The following PALM2AKAP2 variants were observed in gnomAD, a reference collection of about 807,000 sequenced individuals.
The protein encoded by PALM2AKAP2 is PALM2-AKAP2 fusion protein.
In PALM2AKAP2, 37 loss-of-function variants were observed where a neutral mutation model predicts 71.5. That is an observed-to-expected ratio of 0.52 (90% CI 0.40 to 0.68). The LOEUF is 0.68. Ranked by LOEUF, PALM2AKAP2 falls within the 30% of genes least tolerant of loss-of-function variation. PALM2AKAP2 has a pLI of 0.00. For synonymous variants in PALM2AKAP2, 468 were observed against 478.8 expected (o/e 0.98, Z 0.29); for missense variants, 1,224 against 1,191.8 (o/e 1.03, Z -0.40).
intron 1 of PALM2AKAP2, among the ~76,000 whole-genome samples, chr9:110,128,279 G>A (rs2119045750): frequency 6.6e-6 from 1 of 152,302 alleles, no homozygotes; most frequent in South Asian, 2.1e-4. Flanking sequence ...AATTTAGGAA[G>A]AACCTCTCTA....
Position 110,125,981 on chromosome 9 carries a change from C to T in PALM2AKAP2, c.157-10146C>T, listed in dbSNP as rs117855888. ...AAGTGACTCGGTGATTCTGTCGCCTCGTTTCTTAGCCATCTAGCATTTGTT... is the reference window on the plus strand; with the variant it reads ...AAGTGACTCGGTGATTCTGTCGCCTTGTTTCTTAGCCATCTAGCATTTGTT... On this transcript the variant is annotated intron_variant, in intron 1 of 3. Coordinates refer to ENST00000374525, the Ensembl canonical transcript of PALM2AKAP2. 7.2e-4 allele frequency among the ~76,000 whole-genome samples: 110 copies of T among 152,158 alleles called. No homozygotes were observed. In the East Asian group the frequency reaches 0.018, roughly 25 times the overall value.
chr9:110,017,599 A>G (rs199609132), intron 7 of PALM2AKAP2, among the ~76,000 whole-genome samples: 1 of 152,208 alleles, frequency 6.6e-6, no homozygotes, highest in Non-Finnish European at 1.5e-5. Flanking sequence ...CTGGAGAATT[A>G]GTTTTTGAGA....
At chr9:109,994,610 G>A (rs1832541516) in intron 6 of PALM2AKAP2, among the ~76,000 whole-genome samples, 1 of 151,984 alleles carries the variant, frequency 6.6e-6, no homozygotes, top group Non-Finnish European at 1.5e-5. Flanking sequence ...CAAGAGCATT[G>A]AGCGTCCAGT....
chr9:109,917,996 C>G (rs3849114), intron 3 of PALM2AKAP2, among the ~76,000 whole-genome samples: 8,907 of 152,274 alleles, frequency 0.058, 376 homozygotes, highest in Admixed American at 0.12. Flanking sequence ...ATTGAGAAGA[C>G]CACTCAGCGT....
At chr9:109,707,650 CT>C (rs1828164663) in intron 1 of PALM2AKAP2, among the ~76,000 whole-genome samples, 1 of 152,192 alleles carries the variant, frequency 6.6e-6, no homozygotes, top group Non-Finnish European at 1.5e-5. Flanking sequence ...AAGCCTGTTT[CT>C]TTAACTTTCC....
intron 2 of PALM2AKAP2, among the ~76,000 whole-genome samples, chr9:109,869,194 A>C (rs1829537582): frequency 6.6e-6 from 1 of 152,154 alleles, no homozygotes; most frequent in Non-Finnish European, 1.5e-5. Flanking sequence ...CATATGTCAA[A>C]ACATCAAGGG....
At chr9:110,149,994 C>G (rs1027163331) in intron 2 of PALM2AKAP2, among the ~76,000 whole-genome samples, 1 of 152,160 alleles carries the variant, frequency 6.6e-6, no homozygotes, top group Admixed American at 6.5e-5. Flanking sequence ...CCCGCAAATT[C>G]GTATACTGAA....
At chr9:109,799,011 C>G (rs534533610) in intron 1 of PALM2AKAP2, among the ~76,000 whole-genome samples, 1 of 152,304 alleles carries the variant, frequency 6.6e-6, no homozygotes, top group East Asian at 1.9e-4. Flanking sequence ...ACCCGAGTCT[C>G]AAAGACTCAC....
At chr9:109,943,366 A>G in intron 6 of PALM2AKAP2, 1 of 1,614,172 alleles carries the variant, frequency 6.2e-7, no homozygotes. Flanking sequence ...GAGCCTAGCT[A>G]CAGAGCCAGC....
Position 109,814,102 on chromosome 9 carries a change from G to A in PALM2AKAP2, c.45+33569G>A, listed in dbSNP as rs73655511. ...GACTCATTCTCCAGCTCCCACTACC[G>A]TTTGCAGTGAAGGTTTGTAATGCCC... On this transcript the variant is annotated intron_variant, in intron 1 of 9. Coordinates refer to the PALM2AKAP2 transcript ENST00000302798. 9.7e-3 allele frequency among the ~76,000 whole-genome samples: 1,481 copies of A among 152,250 alleles called. 30 individuals are homozygous for A. The highest frequency in any genetic ancestry group is 0.034 in the African/African-American group (1,403 of 41,544).
chr9:110,111,358 GC>G (rs1835247766), intron 1 of PALM2AKAP2, among the ~76,000 whole-genome samples: 1 of 152,096 alleles, frequency 6.6e-6, no homozygotes, highest in African/African-American at 2.4e-5. Context: ...CTCCCAAAGT[GC>G]TGGAAATATA....
chr9:109,696,213 C>T (rs1402610672), intron 1 of PALM2AKAP2, among the ~76,000 whole-genome samples: 1 of 151,994 alleles, frequency 6.6e-6, no homozygotes, highest in Non-Finnish European at 1.5e-5. Flanking sequence ...AGGCTAACAT[C>T]ATTGATGTCA....
intron 1 of PALM2AKAP2, among the ~76,000 whole-genome samples, chr9:109,845,321 T>A (rs1039670397): frequency 2.6e-5 from 4 of 152,220 alleles, no homozygotes; most frequent in African/African-American, 9.6e-5. Flanking sequence ...TAAGGACATT[T>A]CACAGTTTAA....
chr9:109,829,471 T>C (rs965486121), intron 1 of PALM2AKAP2, among the ~76,000 whole-genome samples: 2 of 152,184 alleles, frequency 1.3e-5, no homozygotes, highest in African/African-American at 4.8e-5. Context: ...TAGTTGCTTG[T>C]GGTGAATGTA....
At chr9:110,004,343 T>C (rs1243087829) in intron 6 of PALM2AKAP2, among the ~76,000 whole-genome samples, 1 of 152,226 alleles carries the variant, frequency 6.6e-6, no homozygotes, top group African/African-American at 2.4e-5. Flanking sequence ...CCTTTAAGAA[T>C]GTTGAATATT....
intron 6 of PALM2AKAP2, among the ~76,000 whole-genome samples, chr9:109,985,448 T>A (rs1181431047): frequency 6.6e-6 from 1 of 150,948 alleles, no homozygotes; most frequent in African/African-American, 2.4e-5. Flanking sequence ...TGAAACCCCG[T>A]CTCTACTAAA....
intron 1 of PALM2AKAP2, chr9:109,867,160 T>TAC (rs1564187371): frequency 2.5e-6 from 1 of 394,088 alleles, no homozygotes; most frequent in African/African-American, 2.8e-5. Flanking sequence ...CAGAACATGG[T>TAC]TCTCTGTGTG....
intron 1 of PALM2AKAP2, among the ~76,000 whole-genome samples, chr9:110,053,179 A>G (rs1055182404): frequency 1.3e-5 from 2 of 152,094 alleles, no homozygotes; most frequent in Middle Eastern, 3.2e-3. Context: ...TCTCCCATCT[A>G]GGAGGACCAG....
At chr9:109,887,554 C>T (rs1359354782) in intron 3 of PALM2AKAP2, among the ~76,000 whole-genome samples, 3 of 152,066 alleles carry the variant, frequency 2.0e-5, no homozygotes, top group South Asian at 2.1e-4. Context: ...TTCTGGGTAG[C>T]GGCCTAGCTT....
Sources: gnomAD v4.1 joint callset for allele counts (sites outside exome capture counted in the v4.1 genomes callset) on GRCh38, gnomAD v4.1.1 for gene constraint, MANE v1.5 for transcripts, NCBI Gene and HGNC (gene_info 2026-07-23, HGNC 2026-07-21) for gene names.